MBTPS1: variants seen among roughly 807,000 people sequenced by gnomAD.
The protein encoded by MBTPS1 is membrane bound transcription factor peptidase, site 1, also known as membrane-bound transcription factor site-1 protease.
In MBTPS1, 94 loss-of-function variants were observed where a neutral mutation model predicts 127.8. That is an observed-to-expected ratio of 0.74 (90% CI 0.62 to 0.87). MBTPS1 has a LOEUF of 0.87. Among genes scored for constraint, MBTPS1 ranks in the 40% least tolerant of loss-of-function variants. MBTPS1 has a pLI of 0.00. For missense variants in MBTPS1, 1,636 were observed against 1,353.2 expected (o/e 1.21, Z -3.28); for synonymous variants, 632 against 509.4 (o/e 1.24, Z -3.24).
intron 11 of MBTPS1, among the ~76,000 whole-genome samples, chr16:84,077,401 G>T (rs1003304485): frequency 6.6e-6 from 1 of 152,112 alleles, no homozygotes; most frequent in Non-Finnish European, 1.5e-5. Context: ...TGGACAGACA[G>T]ACCAGTGGAA....
At chr16:84,059,159 T>A in intron 21 of MBTPS1, 143 bp downstream of exon 21, 1 of 1,086,326 alleles carries the variant, frequency 9.2e-7, no homozygotes, top group Admixed American at 2.5e-5. Context: ...AATACGAGGT[T>A]CACTAAATAA....
At chr16:84,084,360 G>A (rs955323978) in intron 10 of MBTPS1, among the ~76,000 whole-genome samples, 2 of 152,186 alleles carry the variant, frequency 1.3e-5, no homozygotes, top group Admixed American at 1.3e-4. Context: ...GCAGAGTGGT[G>A]ACTGTCAGTC....
intron 7 of MBTPS1, 79 bp from the exon 8 acceptor site, chr16:84,091,021 C>T (rs1268915002): frequency 7.3e-6 from 7 of 963,474 alleles, no homozygotes; most frequent in South Asian, 5.7e-5. Context: ...AAAAACCATA[C>T]ACAACGTCTA....
At chr16:84,094,070 T>C (rs1190651526) in intron 4 of MBTPS1, among the ~76,000 whole-genome samples, 1 of 151,900 alleles carries the variant, frequency 6.6e-6, no homozygotes, top group Non-Finnish European at 1.5e-5. Flanking sequence ...AAGCAGAAAA[T>C]CCTTCTAGAC....
chr16:84,056,980 A>G (rs1345798085), intron 21 of MBTPS1: 1 of 152,208 alleles, frequency 6.6e-6, no homozygotes, highest in Non-Finnish European at 1.5e-5. Context: ...TGCAAATTAA[A>G]ATTTCTCTAT....
At chr16:84,056,650 G>A (rs573684797) in intron 21 of MBTPS1, 39 of 152,846 alleles carry the variant, frequency 2.6e-4, no homozygotes, top group Non-Finnish European at 5.1e-4. Context: ...TCTCCAGGGA[G>A]AATACGAAAC....
intron 3 of MBTPS1, among the ~76,000 whole-genome samples, chr16:84,097,548 G>T (rs185302390): frequency 2.6e-5 from 4 of 152,180 alleles, no homozygotes; most frequent in Admixed American, 2.0e-4. Context: ...CCCATCTCCA[G>T]AGAGTCTAGG....
intron 16 of MBTPS1, 65 bp from the exon 17 acceptor site, chr16:84,066,678 G>C: frequency 1.3e-6 from 2 of 1,491,980 alleles, no homozygotes; most frequent in Admixed American, 1.8e-5. Flanking sequence ...CAGTTATTTA[G>C]TCTCTGTGAC....
At chr16:84,069,811 G>A (rs2085743504) in intron 14 of MBTPS1, 55 bp downstream of exon 14, 4 of 1,488,300 alleles carry the variant, frequency 2.7e-6, no homozygotes, top group East Asian at 4.6e-5. Context: ...GAACAGTGGT[G>A]CCTCCTCCCA....
chr16:84,085,049 C>A lies in MBTPS1; in HGVS notation c.1220G>T (p.Cys407Phe). The change falls in exon 10 of 23, where the codon TGC (cysteine) becomes TTC (phenylalanine). Residue 407 changes from cysteine (C) to phenylalanine (F), a missense_variant. Coordinates refer to ENST00000343411, the MANE Select transcript of MBTPS1 (RefSeq NM_003791.4). ...AACACTGGTCCCTGAGAGGGCCCGG[C>A]ACCCCCCTTTCACGCCAGAACCCCG... ...GVRGSGVKGGCRALSGTSVAS... is the reference protein window; with the variant it reads ...GVRGSGVKGGFRALSGTSVAS... The A allele has an allele frequency of 6.2e-7, 1 of 1,614,192 alleles. No individual in the cohort carries two copies. Among genetic ancestry groups the A allele is most frequent in the Non-Finnish European group, 8.5e-7 (1 of 1,180,028 alleles).
At chr16:84,116,508 C>A (rs919825391) in intron 1 of MBTPS1, among the ~76,000 whole-genome samples, 1 of 152,240 alleles carries the variant, frequency 6.6e-6, no homozygotes, top group African/African-American at 2.4e-5. Context: ...TAAAGAAAAC[C>A]AGGCAACGGA....
chr16:84,081,716 G>A, intron 11 of MBTPS1, 31 bp downstream of exon 11: 2 of 1,330,962 alleles, frequency 1.5e-6, no homozygotes, highest in Non-Finnish European at 1.9e-6. Context: ...GTGAAGGAGA[G>A]AAAGACCCAT....
In MBTPS1 at chr16:84,101,851, G is replaced by C; in HGVS notation, c.-68C>G. 2 of 1,453,632 alleles carry C rather than the reference G, an allele frequency of 1.4e-6. No homozygotes were observed. The highest frequency in any genetic ancestry group is 1.9e-6 in the Non-Finnish European group (2 of 1,055,726). 90.0% of individuals were successfully genotyped at this position (1,453,632 alleles called of 1,614,324 possible). On this transcript the variant is annotated 5_prime_UTR_variant, in exon 2 of 23. Coordinates refer to ENST00000343411, the MANE Select transcript of MBTPS1 (RefSeq NM_003791.4). ...CACACTTTTTTCTTCTTGATTAAAA[G>C]TGAATTTTTGTTTCAGCTAAAAGCT...
intron 16 of MBTPS1, 28 bp downstream of exon 16, chr16:84,067,639 T>A: frequency 6.3e-7 from 1 of 1,575,526 alleles, no homozygotes; most frequent in Non-Finnish European, 8.7e-7. Context: ...AAAAGTCTTA[T>A]CCAAATACCA....
chr16:84,108,361 T>C (rs1488442204), intron 1 of MBTPS1, among the ~76,000 whole-genome samples: 3 of 152,226 alleles, frequency 2.0e-5, no homozygotes, highest in Admixed American at 6.5e-5. Context: ...AACTCCCAGC[T>C]GAAGCGATTC....
At chr16:84,112,901 G>A (rs1316087393) in intron 1 of MBTPS1, among the ~76,000 whole-genome samples, 8 of 149,518 alleles carry the variant, frequency 5.4e-5, no homozygotes, top group African/African-American at 2.0e-4. Flanking sequence ...CTTGAACCTG[G>A]GAGACAGAGG....
intron 9 of MBTPS1, among the ~76,000 whole-genome samples, chr16:84,085,518 G>A (rs2086007499): frequency 6.6e-6 from 1 of 150,882 alleles, no homozygotes; most frequent in South Asian, 2.1e-4. Context: ...TTGTGCCACT[G>A]CACTCCAGCC....
intron 1 of MBTPS1, among the ~76,000 whole-genome samples, chr16:84,105,624 C>T (rs1052501117): frequency 1.3e-5 from 2 of 152,134 alleles, no homozygotes; most frequent in African/African-American, 4.8e-5. Context: ...CAGCACTGCC[C>T]AGCCTGAGGA....
chr16:84,068,879 A>T (rs527292002), intron 14 of MBTPS1, among the ~76,000 whole-genome samples: 1 of 152,212 alleles, frequency 6.6e-6, no homozygotes, highest in Non-Finnish European at 1.5e-5. Flanking sequence ...CAGCTAACTG[A>T]TATCACTGCC....
Sources: allele counts gnomAD v4.1 joint callset (sites outside exome capture counted in the v4.1 genomes callset), GRCh38; gene constraint gnomAD v4.1.1; transcripts MANE v1.5; gene names NCBI Gene and HGNC (gene_info 2026-07-23, HGNC 2026-07-21).